Variants in ABCA13 observed in about 807,000 individuals in gnomAD.
The protein encoded by ABCA13 is ATP binding cassette subfamily A member 13, also known as ATP-binding cassette sub-family A member 13.
In ABCA13, 476 loss-of-function variants were observed where a neutral mutation model predicts 478.7. The observed-to-expected ratio is 0.99, with a 90% CI of 0.92 to 1.07. The LOEUF is 1.07. Among genes scored for constraint, ABCA13 ranks in the 50% least tolerant of loss-of-function variants. The pLI is 0.00. For synonymous variants in ABCA13, 2,252 were observed against 2,158.9 expected (o/e 1.04, Z -1.20); for missense variants, 6,060 against 5,910.6 (o/e 1.03, Z -0.83).
chr7:48,509,757 C>T lies in ABCA13; in HGVS notation c.13525-1327C>T, dbSNP rs534371691. On this transcript the variant is annotated intron_variant, in intron 50 of 61. Coordinates refer to ENST00000435803, the MANE Select transcript of ABCA13 (RefSeq NM_152701.5). Reference sequence around the variant, plus strand: ...TATAGACTAAATGATTATGTCCCCCCAAAATTCATGTTGACACCTAATCCC... The same window carrying T: ...TATAGACTAAATGATTATGTCCCCCTAAAATTCATGTTGACACCTAATCCC... 5.3e-5 allele frequency among the ~76,000 whole-genome samples: 8 copies of T among 152,266 alleles called. No homozygotes were observed. The South Asian group carries it at 1.5e-3, about 28-fold the overall frequency.
Position 48,524,343 on chromosome 7 carries a change from A to T in ABCA13, c.14147A>T (p.Asp4716Val), listed in dbSNP as rs367943181. Residue 4716 changes from aspartate (D) to valine (V), a missense_variant, in exon 54 of 62, where the codon GAC becomes GTC. Coordinates refer to ENST00000435803, the MANE Select transcript of ABCA13 (RefSeq NM_152701.5). ...KRVFEGRTNGDILVLYNLSKH... is the reference protein window; with the variant it reads ...KRVFEGRTNGVILVLYNLSKH... ...GTGTTTGAAGGAAGGACCAATGGAG[A>T]CATTCTTGTGTTATACAACCTTAGT... The T allele has an allele frequency of 4.4e-5, 71 of 1,613,162 alleles. No individual in the cohort carries two copies. The highest frequency in any genetic ancestry group is 6.8e-6 in the Non-Finnish European group (8 of 1,179,528).
chr7:48,454,718 G>T (rs1351059079), intron 42 of ABCA13, among the ~76,000 whole-genome samples: 2 of 152,196 alleles, frequency 1.3e-5, no homozygotes, highest in Non-Finnish European at 2.9e-5. Context: ...AGAGGAAAAG[G>T]ATGGTGGGAG....
At chr7:48,548,605 C>T (rs554998881) in intron 55 of ABCA13, among the ~76,000 whole-genome samples, 1 of 150,626 alleles carries the variant, frequency 6.6e-6, no homozygotes, top group South Asian at 2.1e-4. Flanking sequence ...CACGCTATGG[C>T]TTATGTATTG....
Position 48,244,444 on chromosome 7 carries a change from G to A in ABCA13, c.1263-132G>A, listed in dbSNP as rs973210583. On this transcript the variant is annotated intron_variant, in intron 10 of 61. Coordinates refer to ENST00000435803, the MANE Select transcript of ABCA13 (RefSeq NM_152701.5). ...GTCAAGAACCTGGTTGTGTGATGAAGTGTGACTTTCAGTCTAGTGAACACA... is the reference window on the plus strand; with the variant it reads ...GTCAAGAACCTGGTTGTGTGATGAAATGTGACTTTCAGTCTAGTGAACACA... 4 of 1,110,752 alleles carry A rather than the reference G, an allele frequency of 3.6e-6. No homozygotes were observed. In the African/African-American group the frequency reaches 6.3e-5, roughly 18 times the overall value. The allele number at this position is 1,110,752 out of a possible 1,614,324, so 68.8% of individuals were successfully genotyped here. A position where few individuals can be genotyped will look rare whatever the true frequency, so the allele number is the denominator to read the frequency against.
rs913351892 is a variant in ABCA13 at position 48,481,045 on chromosome 7, A to T, written c.12985A>T (p.Asn4329Tyr). 1 of 1,591,324 alleles carries T rather than the reference A, an allele frequency of 6.3e-7. No homozygotes were observed. The highest frequency in any genetic ancestry group is 1.8e-5 in the Admixed American group (1 of 57,116). ...QDSCGCLKCP[N>Y]RSASAPYLTN... ...TTGAAAACAATTTCAGAAGTGTCCA[A>T]ATAGAAGTGCTAGTGCTCCCTACCT... The change falls in exon 46 of 62, where the codon AAT becomes TAT. Residue 4329 changes from asparagine (N) to tyrosine (Y), a missense_variant. Asn to Tyr is a moderately radical substitution (Grantham distance 143). Transcript: ENST00000435803.
intron 35 of ABCA13, among the ~76,000 whole-genome samples, chr7:48,387,350 G>T (rs189438270): frequency 6.6e-6 from 1 of 152,266 alleles, no homozygotes; most frequent in Admixed American, 6.5e-5. Flanking sequence ...ATATGGAAAT[G>T]TTAGCATTAT....
chr7:48,229,814 T>G lies in ABCA13; in HGVS notation c.633-11T>G, dbSNP rs1788784086. On this transcript the variant is annotated splice_polypyrimidine_tract_variant and intron_variant, in intron 6 of 61. Coordinates refer to ENST00000435803, the MANE Select transcript of ABCA13 (RefSeq NM_152701.5). Reference sequence around the variant, plus strand: ...CCACTCATATTGCTTTTTGTTTTGTTTTGGTTCTAGTTCCTTAATATCCCT... The same window carrying G: ...CCACTCATATTGCTTTTTGTTTTGTGTTGGTTCTAGTTCCTTAATATCCCT... 6.2e-7 allele frequency: 1 copy of G among 1,613,722 alleles called. No homozygotes were observed. Among genetic ancestry groups the G allele is most frequent in the Admixed American group, 1.7e-5 (1 of 59,984 alleles).
chr7:48,213,578 T>C (rs1443034195), intron 3 of ABCA13, among the ~76,000 whole-genome samples: 1 of 152,216 alleles, frequency 6.6e-6, no homozygotes, highest in African/African-American at 2.4e-5. Context: ...GCTATTTCTT[T>C]AAGTAAGACA....
intron 58 of ABCA13, among the ~76,000 whole-genome samples, chr7:48,605,433 A>G (rs1791369944): frequency 6.6e-6 from 1 of 152,150 alleles, no homozygotes; most frequent in South Asian, 2.1e-4. Context: ...GGTGGTGACA[A>G]AATCTCTCAG....
At chr7:48,601,398 G>A (rs988334792) in intron 58 of ABCA13, among the ~76,000 whole-genome samples, 1 of 151,856 alleles carries the variant, frequency 6.6e-6, no homozygotes, top group South Asian at 2.1e-4. Context: ...CCCGCAACAG[G>A]CCCCGGTGTG....
At chr7:48,420,663 T>C (rs1820619912) in intron 41 of ABCA13, among the ~76,000 whole-genome samples, 1 of 151,932 alleles carries the variant, frequency 6.6e-6, no homozygotes, top group Admixed American at 6.6e-5. Flanking sequence ...CTTGGGTGCA[T>C]GAACTCAGCT....
chr7:48,618,849 G>C (rs1295017866), intron 59 of ABCA13, among the ~76,000 whole-genome samples: 1 of 152,196 alleles, frequency 6.6e-6, no homozygotes. Context: ...ATTTGAAAAA[G>C]TGAATTTATT....
chr7:48,609,174 C>G (rs1177608562), intron 58 of ABCA13, among the ~76,000 whole-genome samples: 2 of 152,032 alleles, frequency 1.3e-5, no homozygotes, highest in African/African-American at 4.8e-5. Context: ...TGCAGAGGTT[C>G]TAAGATTGGA....
In ABCA13 at chr7:48,279,313, G is replaced by A. The variant is rs528610620; in HGVS notation, c.8119G>A (p.Asp2707Asn). 6.3e-7 allele frequency: 1 copy of A among 1,586,992 alleles called. No individual in the cohort carries two copies. Among genetic ancestry groups the A allele is most frequent in the Non-Finnish European group, 8.6e-7 (1 of 1,164,540 alleles). ...AATTTCCACTCATAGTGGCCCTCAA[G>A]ATATAAAATGGGAAATAATTCATGA... ...NPISTHSGPQDIKWEIIHEVI... is the reference protein window; with the variant it reads ...NPISTHSGPQNIKWEIIHEVI... The change falls in exon 18 of 62, where the codon GAT (aspartate) becomes AAT (asparagine). Residue 2707 changes from aspartate to asparagine, a missense_variant. By Grantham distance (23) the Asp-to-Asn change is conservative. This residue lies in a region of ABCA13 where 4,423 missense variants were observed against 4,309.1 expected (regional missense o/e 1.03). Transcript: ENST00000435803.
intron 53 of ABCA13, 36 bp from the exon 54 acceptor site, chr7:48,524,212 G>T (rs1381686614): frequency 1.3e-6 from 2 of 1,579,038 alleles, no homozygotes; most frequent in South Asian, 1.2e-5. Flanking sequence ...GGTATCATTT[G>T]CTAGGTGTGA....
At chr7:48,525,519 C>A (rs960697347) in intron 54 of ABCA13, among the ~76,000 whole-genome samples, 1 of 151,950 alleles carries the variant, frequency 6.6e-6, no homozygotes, top group Admixed American at 6.6e-5. Flanking sequence ...AATGAAGACC[C>A]AAAGATACAG....
rs551222397 is a variant in ABCA13, at chr7:48,357,232, G to A, written c.10688+4745G>A. Among the ~76,000 whole-genome samples, 5 of 151,934 alleles carry A rather than the reference G, an allele frequency of 3.3e-5. 1 individual carries two copies. In the South Asian group the frequency reaches 1.0e-3, roughly 32 times the overall value. On this transcript the variant is annotated intron_variant, in intron 31 of 61. Transcript: ENST00000435803. ...GAGGACCTCTCATTTTATTTATTTT[G>A]ATTGTTTCTCTTCCTTGGGCTCTAC...
chr7:48,594,955 C>T, intron 58 of ABCA13, 142 bp downstream of exon 58: 1 of 722,032 alleles, frequency 1.4e-6, no homozygotes, highest in East Asian at 2.7e-5. Flanking sequence ...TATTGTTAGC[C>T]CTCATTGTAT....
At chr7:48,621,700 A>G (rs1793154460) in intron 59 of ABCA13, among the ~76,000 whole-genome samples, 1 of 152,208 alleles carries the variant, frequency 6.6e-6, no homozygotes. Flanking sequence ...TTGGTATTCC[A>G]ATGTATTTCT....
Sources: gnomAD v4.1 joint callset for allele counts (sites outside exome capture counted in the v4.1 genomes callset) on GRCh38, gnomAD v4.1.1 for gene constraint, gnomAD v4.1.1 regional missense constraint, MANE v1.5 for transcripts, NCBI Gene and HGNC (gene_info 2026-07-23, HGNC 2026-07-21) for gene names.